Variants in SPTBN4 observed in about 807,000 individuals in gnomAD.
SPTBN4 encodes spectrin beta chain, non-erythrocytic 4.
SPTBN4 carries 96 observed loss-of-function variants against 277.8 expected under a neutral mutation model. The ratio of observed to expected loss-of-function variants is 0.35; its 90% confidence interval spans 0.29 to 0.41. The LOEUF (loss-of-function observed/expected upper bound fraction) is 0.41. SPTBN4 is among the 10% of genes least tolerant of loss of function. The probability of loss-of-function intolerance (pLI) is 1.00; values close to 1 mark genes in which losing one functional copy is unlikely to be tolerated. For synonymous variants in SPTBN4, 1,481 were observed against 1,580.3 expected, an observed-to-expected ratio of 0.94 and a Z score of 1.49; for missense variants, 3,006 against 3,595.7, an observed-to-expected ratio of 0.84 and a Z score of 4.19.
Position 40,487,839 on chromosome 19 carries a change from G to A in SPTBN4, c.312G>A (p.Gly104=), listed in dbSNP as rs527763445. The A allele has an allele frequency of 3.8e-4, 603 of 1,604,280 alleles. 9 individuals are homozygous for A. In the South Asian group the frequency reaches 6.2e-3, roughly 16 times the overall value. ...VLTRLLEVLS[G]EQLPRPTRGR... ...CGCGGCTCCTGGAAGTGCTGTCTGGGGAGCAGCTGGTGAGGGGGCCTGAAG... is the reference window on the plus strand; with the variant it reads ...CGCGGCTCCTGGAAGTGCTGTCTGGAGAGCAGCTGGTGAGGGGGCCTGAAG... Residue 104 remains glycine, a synonymous_variant, in exon 3 of 36, where the codon GGG becomes GGA. Transcript: ENST00000598249.
At chr19:40,565,194 G>C (rs2081078900) in intron 27 of SPTBN4, among the ~76,000 whole-genome samples, 1 of 151,996 alleles carries the variant, frequency 6.6e-6, no homozygotes, top group Admixed American at 6.6e-5. Context: ...GAACTCGGGA[G>C]GTGGAGTTTG....
chr19:40,556,594 A>G (rs533374402), intron 25 of SPTBN4, among the ~76,000 whole-genome samples: 1 of 151,892 alleles, frequency 6.6e-6, no homozygotes, highest in South Asian at 2.1e-4. Flanking sequence ...TATGATGATG[A>G]TGATGATGAT....
In SPTBN4 at chr19:40,572,034, G is replaced by A. The variant is rs1242470218; in HGVS notation, c.7335G>A (p.Leu2445=). Residue 2445 remains leucine, a synonymous_variant, in exon 34 of 36, where the codon CTG becomes CTA. Coordinates refer to ENST00000598249, the MANE Select transcript of SPTBN4 (RefSeq NM_020971.3). Reference sequence around the variant, plus strand: ...GTCGCTCCAGGTCGTGGGTGAGCCTGTACTGTGTGCTTAGTAAGGGGGAAC... The same window carrying A: ...GTCGCTCCAGGTCGTGGGTGAGCCTATACTGTGTGCTTAGTAAGGGGGAAC... ...RKSSNRSWVS[L]YCVLSKGELG... The A allele has an allele frequency of 1.3e-6, 2 of 1,591,548 alleles. No homozygotes were observed. Among genetic ancestry groups the A allele is most frequent in the East Asian group, 2.2e-5 (1 of 44,714 alleles).
At chr19:40,529,209 T>TGGGGAC in intron 18 of SPTBN4, 78 bp downstream of exon 18, 1 of 1,113,970 alleles carries the variant, frequency 9.0e-7, no homozygotes, top group South Asian at 1.3e-5. Context: ...GAGGTGGGGG[T>TGGGGAC]GGGGACGCCC....
At chr19:40,506,997 A>C (rs2080338129) in intron 13 of SPTBN4, among the ~76,000 whole-genome samples, 1 of 152,078 alleles carries the variant, frequency 6.6e-6, no homozygotes, top group Non-Finnish European at 1.5e-5. Flanking sequence ...AAAAACCAAA[A>C]AGAAAACTTG....
intron 35 of SPTBN4, among the ~76,000 whole-genome samples, chr19:40,573,604 G>A (rs2081174418): frequency 6.6e-6 from 1 of 152,192 alleles, no homozygotes; most frequent in Admixed American, 6.5e-5. Context: ...GCCGAGGCGG[G>A]TGGATCACCT....
In SPTBN4 at chr19:40,502,363, A is replaced by G. The variant is rs770549762; in HGVS notation, c.1086-27A>G. ...GGGTGGGCAGGGGTGGCATGACGGC[A>G]GGGCTCCTGAGCTCATGCCCCTTCA... is the stretch of plus-strand genomic sequence containing the variant. On this transcript the variant is annotated intron_variant, in intron 9 of 35. Coordinates refer to ENST00000598249, the MANE Select transcript of SPTBN4 (RefSeq NM_020971.3). The surrounding 1 kb of genome is among the most constrained non-coding windows in gnomAD (Gnocchi z 4.9). 6 of 1,609,300 alleles carry G rather than the reference A, an allele frequency of 3.7e-6. No homozygotes were observed. In the South Asian group the frequency reaches 6.6e-5, roughly 18 times the overall value.
At chr19:40,553,666 C>A (rs925871790) in intron 22 of SPTBN4, among the ~76,000 whole-genome samples, 1 of 152,186 alleles carries the variant, frequency 6.6e-6, no homozygotes, top group African/African-American at 2.4e-5. Context: ...TTGAGGGAAC[C>A]TTCTGGGGGA....
chr19:40,473,978 CTAAAAA>C (rs1400287305), intron 2 of SPTBN4, among the ~76,000 whole-genome samples: 3 of 147,556 alleles, frequency 2.0e-5, no homozygotes, highest in Non-Finnish European at 4.5e-5. Flanking sequence ...CCTGTCTCTA[CTAAAAA>C]TAAAAATAAA....
At chr19:40,569,573 G>A (rs1466237281) in intron 31 of SPTBN4, 84 bp from the exon 32 acceptor site, 1 of 1,421,724 alleles carries the variant, frequency 7.0e-7, no homozygotes, top group Non-Finnish European at 9.7e-7. Context: ...CAGCTAAGAA[G>A]TGGAGGCTCC....
chr19:40,476,395 A>G (rs2079949069), intron 2 of SPTBN4, among the ~76,000 whole-genome samples: 1 of 152,036 alleles, frequency 6.6e-6, no homozygotes, highest in Non-Finnish European at 1.5e-5. Flanking sequence ...ATATGCCACA[A>G]AGTATGAACC....
chr19:40,551,199 G>C (rs2080913904), intron 22 of SPTBN4, among the ~76,000 whole-genome samples: 1 of 152,126 alleles, frequency 6.6e-6, no homozygotes. Context: ...ATTGGACAAG[G>C]AAAAAGTAAA....
intron 2 of SPTBN4, among the ~76,000 whole-genome samples, chr19:40,476,257 A>T (rs538244686): frequency 4.0e-5 from 6 of 151,400 alleles, no homozygotes; most frequent in African/African-American, 1.5e-4. Flanking sequence ...AGGCAGGAGA[A>T]TCGCCTGAAC....
rs1284354095 is a variant in SPTBN4 at position 40,512,688 on chromosome 19, A to C, written c.1899A>C (p.Ala633=). 3 of 1,529,746 alleles carry C rather than the reference A, an allele frequency of 2.0e-6. No homozygotes were observed. In the African/African-American group the frequency reaches 4.2e-5, roughly 21 times the overall value. The allele number at this position is 1,529,746 out of a possible 1,614,324, so 94.8% of individuals were successfully genotyped here. ...GCCTGGCGGAGCTGCAGGAGCAGGC[A>C]GCGCGGCGACGCGCGGAGCTGGAGG... ...HGCLAELQEQ[A]ARRRAELEAS... is the part of the protein sequence containing the mutation. Residue 633 remains alanine, a synonymous_variant, in exon 14 of 36, where the codon GCA becomes GCC. Transcript: ENST00000598249.
chr19:40,488,731 G>A (rs2080101709), intron 3 of SPTBN4, among the ~76,000 whole-genome samples: 1 of 152,180 alleles, frequency 6.6e-6, no homozygotes, highest in Admixed American at 6.5e-5. Context: ...GATCGCTTGA[G>A]CCTGGGAGGT....
intron 31 of SPTBN4, 125 bp downstream of exon 31, chr19:40,568,407 G>A (rs2081118883): frequency 7.4e-7 from 1 of 1,347,538 alleles, no homozygotes; most frequent in Non-Finnish European, 9.9e-7. Flanking sequence ...TATCGCCGCG[G>A]TACCCATTTT....
chr19:40,473,172 G>A (rs979356416), intron 2 of SPTBN4, among the ~76,000 whole-genome samples: 3 of 151,844 alleles, frequency 2.0e-5, no homozygotes, highest in African/African-American at 7.3e-5. Flanking sequence ...TCAGCCCCCT[G>A]ACTAGCTGGG....
intron 35 of SPTBN4, among the ~76,000 whole-genome samples, chr19:40,573,176 G>C (rs1304736960): frequency 6.6e-6 from 1 of 152,164 alleles, no homozygotes; most frequent in Non-Finnish European, 1.5e-5. Flanking sequence ...AGCCGGGAGT[G>C]GTGGCACATG....
intron 27 of SPTBN4, among the ~76,000 whole-genome samples, chr19:40,562,974 C>A (rs2081058551): frequency 6.6e-6 from 1 of 152,162 alleles, no homozygotes; most frequent in Admixed American, 6.5e-5. Flanking sequence ...CACTGGGAGG[C>A]CAAGGCAAGA....
Sources: allele counts gnomAD v4.1 joint callset (sites outside exome capture counted in the v4.1 genomes callset), GRCh38; gene constraint gnomAD v4.1.1; non-coding constraint Gnocchi (gnomAD v3.1); transcripts MANE v1.5; gene names NCBI Gene and HGNC (gene_info 2026-07-23, HGNC 2026-07-21).